LAMA2: variants seen among roughly 807,000 people sequenced by gnomAD.
The protein encoded by LAMA2 is laminin subunit alpha 2.
A neutral mutation model predicts 364.8 loss-of-function variants in LAMA2; 269 were observed. That is an observed-to-expected ratio of 0.74 (90% CI 0.67 to 0.82). LAMA2 has a LOEUF of 0.82. Among genes scored for constraint, LAMA2 ranks in the 40% least tolerant of loss-of-function variants. The probability of loss-of-function intolerance (pLI) is 0.00; values close to 1 mark genes in which losing one functional copy is unlikely to be tolerated. For missense variants in LAMA2, 3,807 were observed against 3,873.2 expected (o/e 0.98, Z 0.45); for synonymous variants, 1,379 against 1,370.6 (o/e 1.01, Z -0.14).
At chr6:129,096,156 G>T (rs1207032371) in intron 3 of LAMA2, among the ~76,000 whole-genome samples, 1 of 152,170 alleles carries the variant, frequency 6.6e-6, no homozygotes, top group African/African-American at 2.4e-5. Context: ...TCTACGTGAT[G>T]AGTTGTTCAA....
intron 40 of LAMA2, among the ~76,000 whole-genome samples, chr6:129,408,480 C>G (rs926850295): frequency 6.6e-6 from 1 of 152,048 alleles, no homozygotes; most frequent in Non-Finnish European, 1.5e-5. Flanking sequence ...ACCATGACAG[C>G]GAATAAGGCA....
chr6:129,397,764 T>A (rs115239099), intron 37 of LAMA2, among the ~76,000 whole-genome samples: 5,553 of 148,570 alleles, frequency 0.037, 131 homozygotes, highest in African/African-American at 0.063. Context: ...AAATGAAAAT[T>A]AAAAAAAAAT....
rs369449702 is a variant in LAMA2 at position 129,064,873 on chromosome 6, A to G, written c.396+4977A>G. 9.8e-5 allele frequency among the ~76,000 whole-genome samples: 15 copies of G among 152,292 alleles called. No homozygotes were observed. The South Asian group carries it at 3.1e-3, about 32-fold the overall frequency. On this transcript the variant is annotated intron_variant, in intron 3 of 64. Transcript: ENST00000421865. ...TACCAATCCTTCTCAAAATCCTCCA[A>G]ATAACTGAAGATGAGGGAGTACTTC...
intron 8 of LAMA2, among the ~76,000 whole-genome samples, chr6:129,156,725 A>C (rs1383950105): frequency 6.6e-6 from 1 of 152,130 alleles, no homozygotes; most frequent in African/African-American, 2.4e-5. Flanking sequence ...ACAACAAAAA[A>C]AATGGTGGTT....
At chr6:129,048,540 C>CTTTCTTTCTTT (rs1562188039) in intron 1 of LAMA2, among the ~76,000 whole-genome samples, 13 of 53,984 alleles carry the variant, frequency 2.4e-4, no homozygotes, top group African/African-American at 5.3e-4. Flanking sequence ...TTCCTTCCTT[C>CTTTCTTTCTTT]CTTTCTTTCT....
intron 10 of LAMA2, among the ~76,000 whole-genome samples, chr6:129,187,444 TC>T (rs1193462962): frequency 6.6e-6 from 1 of 151,790 alleles, no homozygotes; most frequent in African/African-American, 2.4e-5. Flanking sequence ...TGCCAATGTC[TC>T]ACATTTTATA....
chr6:129,135,620 T>C (rs1364958632), intron 4 of LAMA2, among the ~76,000 whole-genome samples: 1 of 152,230 alleles, frequency 6.6e-6, no homozygotes, highest in African/African-American at 2.4e-5. Flanking sequence ...TATCCTCTTA[T>C]GATATCTCTG....
intron 4 of LAMA2, among the ~76,000 whole-genome samples, chr6:129,136,955 G>T (rs914388658): frequency 2.6e-5 from 4 of 152,128 alleles, no homozygotes; most frequent in Non-Finnish European, 5.9e-5. Flanking sequence ...ATGGGTTACA[G>T]GTCACCCATC....
intron 12 of LAMA2, among the ~76,000 whole-genome samples, chr6:129,221,168 A>AAT (rs1349899886): frequency 2.0e-5 from 3 of 150,574 alleles, no homozygotes; most frequent in East Asian, 3.9e-4. Flanking sequence ...ATCTCAAAAA[A>AAT]AAAATAAAAA....
intron 56 of LAMA2, among the ~76,000 whole-genome samples, chr6:129,489,414 C>A (rs1394761036): frequency 6.6e-6 from 1 of 152,138 alleles, no homozygotes. Flanking sequence ...AATTTCTTGG[C>A]ACTCCAGTGA....
intron 1 of LAMA2, among the ~76,000 whole-genome samples, chr6:129,031,563 A>G (rs1562169152): frequency 6.6e-6 from 1 of 152,264 alleles, no homozygotes; most frequent in Non-Finnish European, 1.5e-5. Flanking sequence ...AATGTAAACT[A>G]TCCAGAGGAC....
chr6:129,160,019 G>A (rs1279767106), intron 8 of LAMA2, among the ~76,000 whole-genome samples: 1 of 152,040 alleles, frequency 6.6e-6, no homozygotes, highest in African/African-American at 2.4e-5. Flanking sequence ...GTTTGGTTAA[G>A]AATTTTGACA....
chr6:129,164,787 G>T (rs1375903515), intron 8 of LAMA2, among the ~76,000 whole-genome samples: 1 of 152,108 alleles, frequency 6.6e-6, no homozygotes, highest in East Asian at 1.9e-4. Context: ...ATCAGTTAAG[G>T]CTGGGAAGGG....
intron 4 of LAMA2, among the ~76,000 whole-genome samples, chr6:129,111,304 A>C (rs961181672): frequency 6.6e-5 from 10 of 152,068 alleles, no homozygotes; most frequent in Admixed American, 5.9e-4. Context: ...TGGGTAGTAC[A>C]TAAGACATGT....
intron 1 of LAMA2, among the ~76,000 whole-genome samples, chr6:129,048,616 CT>C (rs1562188237): frequency 6.7e-6 from 1 of 148,610 alleles, no homozygotes; most frequent in Non-Finnish European, 1.5e-5. Flanking sequence ...CTCTCTCTCT[CT>C]CTCTCTCTCT....
chr6:129,241,869 G>A (rs768880612), intron 12 of LAMA2, among the ~76,000 whole-genome samples: 30 of 152,112 alleles, frequency 2.0e-4, no homozygotes, highest in Non-Finnish European at 3.4e-4. Flanking sequence ...TTCTACTGCT[G>A]TAAGAAAGAA....
At chr6:129,477,486 A>T (rs1373478506) in intron 53 of LAMA2, among the ~76,000 whole-genome samples, 1 of 152,174 alleles carries the variant, frequency 6.6e-6, no homozygotes, top group Admixed American at 6.5e-5. Flanking sequence ...GATTATTATT[A>T]TCATGCCCAT....
chr6:129,365,128 G>T (rs1000767509), intron 32 of LAMA2, among the ~76,000 whole-genome samples: 5 of 152,052 alleles, frequency 3.3e-5, no homozygotes, highest in African/African-American at 4.8e-5. Context: ...AACCATATCT[G>T]GTAGAATATT....
chr6:129,354,684 A>T (rs970162447), intron 32 of LAMA2, among the ~76,000 whole-genome samples: 1 of 152,174 alleles, frequency 6.6e-6, no homozygotes, highest in Non-Finnish European at 1.5e-5. Context: ...GATCATATTA[A>T]TGTTAAGCAC....
Sources: allele counts gnomAD v4.1 joint callset (sites outside exome capture counted in the v4.1 genomes callset), GRCh38; gene constraint gnomAD v4.1.1; transcripts MANE v1.5; gene names NCBI Gene and HGNC (gene_info 2026-07-23, HGNC 2026-07-21).